The following PRR16 variants were observed in gnomAD, a reference collection of about 807,000 sequenced individuals.
The protein encoded by PRR16 is proline rich 16, also known as protein Largen.
PRR16 carries 6 observed loss-of-function variants against 18.2 expected under a neutral mutation model. That is an observed-to-expected ratio of 0.33 (90% CI 0.18 to 0.65). PRR16 has a LOEUF of 0.65. Among genes scored for constraint, PRR16 ranks in the 30% least tolerant of loss-of-function variants. The probability of loss-of-function intolerance (pLI) is 0.74; values close to 1 mark genes in which losing one functional copy is unlikely to be tolerated. For synonymous variants in PRR16, 151 were observed against 147.8 expected (o/e 1.02, Z -0.16); for missense variants, 412 against 376.6 (o/e 1.09, Z -0.78).
the PRR16 span, among the ~76,000 whole-genome samples, chr5:120,709,112 G>A: frequency 5.0e-4 from 74 of 146,768 alleles, no homozygotes; most frequent in African/African-American, 1.7e-3. Context: ...GGTTCATGCC[G>A]TTCTCCTTCC....
chr5:120,662,652 C>A (rs1756216191), intron 1 of PRR16, among the ~76,000 whole-genome samples: 1 of 152,112 alleles, frequency 6.6e-6, no homozygotes, highest in Non-Finnish European at 1.5e-5. Context: ...CTTGCCAATT[C>A]TTTTCATCTT....
At chr5:120,682,963 A>AT (rs1757016387) in intron 1 of PRR16, among the ~76,000 whole-genome samples, 1 of 152,142 alleles carries the variant, frequency 6.6e-6, no homozygotes, top group South Asian at 2.1e-4. Flanking sequence ...AATAGGAAAA[A>AT]TTTTAAGGAT....
At chr5:120,657,724 G>A (rs1246372284) in intron 1 of PRR16, among the ~76,000 whole-genome samples, 1 of 151,870 alleles carries the variant, frequency 6.6e-6, no homozygotes, top group Admixed American at 6.6e-5. Context: ...AAACTCTCCT[G>A]TTTATTCTGC....
intron 1 of PRR16, among the ~76,000 whole-genome samples, chr5:120,599,964 T>G (rs1018929816): frequency 3.3e-5 from 5 of 151,924 alleles, no homozygotes; most frequent in Non-Finnish European, 7.4e-5. Context: ...CCTTCACCTG[T>G]GAATGACTCA....
chr5:120,560,014 A>G (rs1752527083), intron 1 of PRR16, among the ~76,000 whole-genome samples: 2 of 151,844 alleles, frequency 1.3e-5, no homozygotes, highest in Non-Finnish European at 2.9e-5. Context: ...GAATTTGTTG[A>G]TCAGTTCTAA....
intron 1 of PRR16, among the ~76,000 whole-genome samples, chr5:120,586,401 T>C (rs548846739): frequency 6.6e-6 from 1 of 152,324 alleles, no homozygotes; most frequent in East Asian, 1.9e-4. Context: ...TTTATTACGA[T>C]TCACTTTTTT....
intron 1 of PRR16, among the ~76,000 whole-genome samples, chr5:120,538,352 A>G (rs891436924): frequency 7.2e-5 from 11 of 152,200 alleles, no homozygotes; most frequent in Non-Finnish European, 1.0e-4. Flanking sequence ...TTGTATTTCT[A>G]TGAGTCAGGA....
the PRR16 span, among the ~76,000 whole-genome samples, chr5:120,753,522 G>A: frequency 3.3e-5 from 5 of 151,568 alleles, no homozygotes; most frequent in Non-Finnish European, 7.4e-5. Context: ...AGTAAAGAAT[G>A]GTGAGTGATC....
intron 1 of PRR16, among the ~76,000 whole-genome samples, chr5:120,522,970 A>G (rs1751235158): frequency 6.6e-6 from 1 of 152,156 alleles, no homozygotes; most frequent in South Asian, 2.1e-4. Context: ...TGTAGTCACC[A>G]TACTTTGTAT....
chr5:120,669,311 C>T (rs1580858942), intron 1 of PRR16, among the ~76,000 whole-genome samples: 1 of 152,028 alleles, frequency 6.6e-6, no homozygotes, highest in South Asian at 2.1e-4. Context: ...TCACACCCTC[C>T]CCTCTTTACC....
intron 1 of PRR16, among the ~76,000 whole-genome samples, chr5:120,680,588 AGT>A (rs1756939999): frequency 6.6e-6 from 1 of 152,144 alleles, no homozygotes; most frequent in South Asian, 2.1e-4. Flanking sequence ...ATTGCCACAA[AGT>A]GTGTACCTTA....
the PRR16 span, among the ~76,000 whole-genome samples, chr5:120,743,812 T>A: frequency 2.6e-5 from 4 of 151,640 alleles, 1 homozygote; most frequent in East Asian, 7.8e-4. Flanking sequence ...CTCATAGTCT[T>A]CTTCTTATTT....
chr5:120,742,554 C>T, the PRR16 span, among the ~76,000 whole-genome samples: 22,499 of 151,340 alleles, frequency 0.15, 2,537 homozygotes, highest in African/African-American at 0.32. Flanking sequence ...ATTTTAATTT[C>T]ACAAAAGAGA....
At chr5:120,738,474 A>G in the PRR16 span, among the ~76,000 whole-genome samples, 1 of 152,054 alleles carries the variant, frequency 6.6e-6, no homozygotes, top group Non-Finnish European at 1.5e-5. Context: ...TTCAAGTTTT[A>G]ATATTTACAT....
At chr5:120,550,565 G>T (rs549112429) in intron 1 of PRR16, among the ~76,000 whole-genome samples, 134 of 152,108 alleles carry the variant, frequency 8.8e-4, no homozygotes, top group African/African-American at 3.0e-3. Context: ...TGCAGTAAAA[G>T]GGTGTTTGAA....
At chr5:120,599,866 G>C (rs1753927926) in intron 1 of PRR16, among the ~76,000 whole-genome samples, 1 of 151,708 alleles carries the variant, frequency 6.6e-6, no homozygotes, top group African/African-American at 2.4e-5. Flanking sequence ...CCTCTTTCTG[G>C]TTTGTAAGGA....
intron 1 of PRR16, among the ~76,000 whole-genome samples, chr5:120,476,424 C>G (rs1439173153): frequency 6.6e-6 from 1 of 152,148 alleles, no homozygotes; most frequent in Non-Finnish European, 1.5e-5. Flanking sequence ...GCTTATGTCA[C>G]TTCACAGTTA....
chr5:120,504,542 T>C (rs1750577342), intron 1 of PRR16, among the ~76,000 whole-genome samples: 1 of 152,268 alleles, frequency 6.6e-6, no homozygotes, highest in East Asian at 1.9e-4. Context: ...CTTTGAGAAG[T>C]AGTTCCAATT....
chr5:120,468,594 T>C (rs533721247), intron 1 of PRR16, among the ~76,000 whole-genome samples: 2 of 152,206 alleles, frequency 1.3e-5, no homozygotes, highest in Non-Finnish European at 2.9e-5. Context: ...CAATTGCTTT[T>C]TAAAATAGTT....
Sources: gnomAD v4.1 joint callset for allele counts (sites outside exome capture counted in the v4.1 genomes callset) on GRCh38, gnomAD v4.1.1 for gene constraint, MANE v1.5 for transcripts, NCBI Gene and HGNC (gene_info 2026-07-23, HGNC 2026-07-21) for gene names.